The following SLC26A1 variants were observed in gnomAD, a reference collection of about 807,000 sequenced individuals.
The protein encoded by SLC26A1 is sulfate anion transporter 1.
Under a neutral mutation model 14.5 loss-of-function variants are expected in SLC26A1, and 18 were observed. That is an observed-to-expected ratio of 1.24 (90% CI 0.86 to 1.84). The LOEUF is 1.84. Among genes scored for constraint, SLC26A1 ranks in the 40% most tolerant of loss-of-function variants. SLC26A1 has a pLI of 0.00. For synonymous variants in SLC26A1, 505 were observed against 492.0 expected (o/e 1.03, Z -0.35); for missense variants, 1,049 against 1,020.0 (o/e 1.03, Z -0.39).
chr4:983,874 G>A (rs1490965591), downstream of SLC26A1, among the ~76,000 whole-genome samples: 4 of 152,182 alleles, frequency 2.6e-5, no homozygotes, highest in Admixed American at 2.0e-4. Flanking sequence ...GCCCAGGCTG[G>A]AGTGCAGTGA....
At position 989,845 on chromosome 4, in the gene SLC26A1, C is replaced by T. The variant is rs530856250; in HGVS notation, c.1094G>A (p.Arg365His). ...GGCACGCACAGAGTAGCCGTGACTG[C>T]GGGCGAACATCTCCGCCAGCGAGAT... Reference protein sequence around the residue: ...FSISLAEMFARSHGYSVRANQ... With the variant: ...FSISLAEMFAHSHGYSVRANQ... The change falls in exon 3 of 3, where the codon CGC (arginine) becomes CAC (histidine). Residue 365 changes from arginine to histidine, a missense_variant. Transcript: ENST00000398516. The T allele has an allele frequency of 4.1e-5, 64 of 1,578,236 alleles. No individual in the cohort carries two copies. Among genetic ancestry groups the T allele is most frequent in the African/African-American group, 1.6e-4 (12 of 74,488 alleles).
At chr4:982,174 GACAGAGGCTGTC>G (rs1405638669) in intron 2 of SLC26A1, among the ~76,000 whole-genome samples, 3 of 152,184 alleles carry the variant, frequency 2.0e-5, no homozygotes, top group African/African-American at 7.2e-5. Context: ...GCTCTCCTGG[GACAGAGGCTGTC>G]ACAGACCCTG....
chr4:989,573 T>C lies in SLC26A1; in HGVS notation c.1366A>G (p.Lys456Glu), dbSNP rs1432069203. Reference protein sequence around the residue: ...IVVSLRGALRKVWDLPRLWRM... With the variant: ...IVVSLRGALREVWDLPRLWRM... Reference sequence around the variant, plus strand: ...CACAGCCGCGGGAGGTCCCACACCTTGCGCAGGGCCCCCCGCAGGCTGACC... The same window carrying C: ...CACAGCCGCGGGAGGTCCCACACCTCGCGCAGGGCCCCCCGCAGGCTGACC... The change falls in exon 3 of 3, where the codon AAG (lysine) becomes GAG (glutamate). Residue 456 changes from lysine (K) to glutamate (E), a missense_variant. Physicochemically the swap from Lys to Glu is moderately conservative, Grantham distance 56. Coordinates refer to ENST00000398516, the MANE Select transcript of SLC26A1 (RefSeq NM_022042.4). 2 of 1,593,424 alleles carry C rather than the reference T, an allele frequency of 1.3e-6. No homozygotes were observed. The highest frequency in any genetic ancestry group is 2.3e-5 in the South Asian group (2 of 88,018).
At chr4:979,275 G>C in exon 3 of SLC26A1, 1 of 639,446 alleles carries the variant, frequency 1.6e-6, no homozygotes. Context: ...GCCAGGTTGA[G>C]GGGCTGCCTT....
chr4:982,995 TCGCCATGTGAGG>T (rs1429598538), downstream of SLC26A1, among the ~76,000 whole-genome samples: 8 of 152,334 alleles, frequency 5.3e-5, no homozygotes, highest in East Asian at 1.5e-3. Context: ...CTGCAGGCGC[TCGCCATGTGAGG>T]CGACAGGCGC....
At position 989,646 on chromosome 4, in the gene SLC26A1, T is replaced by TGCCAGC; in HGVS notation, c.1287_1292dup (p.Leu430_Ala431dup). On this transcript the variant is annotated inframe_insertion, in exon 3 of 3. Coordinates refer to ENST00000398516, the MANE Select transcript of SLC26A1 (RefSeq NM_022042.4). Reference sequence around the variant, plus strand: ...TTCGCTGTAGGTCGTGGAACAGCGGTGCCAGCGCCAGCAGCACCAGCAGCA... The same window carrying TGCCAGC: ...TTCGCTGTAGGTCGTGGAACAGCGGTGCCAGCGCCAGCGCCAGCAGCACCAGCAGCA... 6.3e-7 allele frequency: 1 copy of TGCCAGC among 1,592,862 alleles called. No individual in the cohort carries two copies. Among genetic ancestry groups the TGCCAGC allele is most frequent in the South Asian group, 1.1e-5 (1 of 88,028 alleles).
downstream of SLC26A1, among the ~76,000 whole-genome samples, chr4:986,404 C>T (rs1344300602): frequency 6.6e-6 from 1 of 152,200 alleles, no homozygotes; most frequent in Non-Finnish European, 1.5e-5. Context: ...TTGCACATTA[C>T]CTACGCACAT....
At chr4:987,561 G>A (rs1713832299), downstream of SLC26A1, 13 of 1,277,714 alleles carry the variant, frequency 1.0e-5, no homozygotes, top group African/African-American at 1.5e-5. Context: ...CTAGAGCTGA[G>A]GTACCCGCCT....
At chr4:984,818 CAAAAACAAAAAAA>C (rs1176496638), downstream of SLC26A1, among the ~76,000 whole-genome samples, 3 of 152,004 alleles carry the variant, frequency 2.0e-5, no homozygotes, top group Non-Finnish European at 4.4e-5. Flanking sequence ...AAACAAAAAA[CAAAAACAAAAAAA>C]ATTCTGGAGT....
Position 989,196 on chromosome 4 carries a change from C to T in SLC26A1, c.1743G>A (p.Gly581=), listed in dbSNP as rs771825743. The T allele has an allele frequency of 6.2e-7, 1 of 1,607,708 alleles. No homozygotes were observed. The highest frequency in any genetic ancestry group is 8.5e-7 in the Non-Finnish European group (1 of 1,176,452). The part of the protein sequence containing the change: ...ARRKEGGSET[G]VGEGGPAQGE... ...CCTGGGCAGGGCCTCCCTCACCGAC[C>T]CCCGTCTCTGAGCCCCCCTCCTTCC... Residue 581 remains glycine (G), a synonymous_variant, in exon 3 of 3, where the codon GGG becomes GGA. Transcript: ENST00000398516.
chr4:991,836 AGGGCC>A, intron 1 of SLC26A1, 106 bp from the exon 2 acceptor site: 1 of 1,530,538 alleles, frequency 6.5e-7, no homozygotes. Flanking sequence ...TCGCCCACCC[AGGGCC>A]GGGGATTGGT....
intron 2 of SLC26A1, among the ~76,000 whole-genome samples, chr4:982,108 C>T (rs1434583434): frequency 1.3e-5 from 2 of 151,462 alleles, no homozygotes; most frequent in Non-Finnish European, 2.9e-5. Context: ...CATGAGCCAG[C>T]GCGCCTGGCC....
In SLC26A1 at chr4:989,884, G is replaced by C. The variant is rs2153016960; in HGVS notation, c.1055C>G (p.Ala352Gly). ...ALDAVALALV[A>G]AAFSISLAEM... is the part of the protein sequence containing the mutation. ...CGCCAGCGAGATGGAGAAGGCGGCA[G>C]CCACGAGGGCCAGGGCCACGGCATC... Residue 352 changes from alanine to glycine, a missense_variant, in exon 3 of 3, where the codon GCT becomes GGT. Transcript: ENST00000398516. 1.3e-6 allele frequency: 2 copies of C among 1,569,816 alleles called. No homozygotes were observed. The highest frequency in any genetic ancestry group is 1.7e-6 in the Non-Finnish European group (2 of 1,158,404).
Position 988,340 on chromosome 4 carries a change from G to A in SLC26A1, c.*493C>T, listed in dbSNP as rs557939453. 4 of 1,090,008 alleles carry A rather than the reference G, an allele frequency of 3.7e-6. No homozygotes were observed. The African/African-American group carries it at 6.6e-5, about 18-fold the overall frequency. 67.5% of individuals were successfully genotyped at this position (1,090,008 alleles called of 1,614,324 possible). A position where few individuals can be genotyped will look rare whatever the true frequency, so the allele number is the denominator to read the frequency against. On this transcript the variant is annotated 3_prime_UTR_variant, in exon 3 of 3. Coordinates refer to ENST00000398516, the MANE Select transcript of SLC26A1 (RefSeq NM_022042.4). ...GGTGCAGGTGGCCACCCTGTGAGGG[G>A]GAGGCACGAGGTGTGAGGGGCACTT... is the stretch of plus-strand genomic sequence containing the variant.
Position 989,197 on chromosome 4 carries a change from C to T in SLC26A1, c.1742G>A (p.Gly581Glu). The T allele has an allele frequency of 2.5e-6, 4 of 1,607,848 alleles. No homozygotes were observed. The highest frequency in any genetic ancestry group is 3.4e-6 in the Non-Finnish European group (4 of 1,176,550). ...CTGGGCAGGGCCTCCCTCACCGACC[C>T]CCGTCTCTGAGCCCCCCTCCTTCCT... ...ARRKEGGSET[G>E]VGEGGPAQGE... Residue 581 changes from glycine (G) to glutamate (E), a missense_variant, in exon 3 of 3, where the codon GGG becomes GAG. Transcript: ENST00000398516.
downstream of SLC26A1, chr4:987,115 C>A (rs1423609884): frequency 3.5e-6 from 5 of 1,444,566 alleles, no homozygotes; most frequent in Non-Finnish European, 4.5e-6. Flanking sequence ...CGCCGCGCTG[C>A]TGGCGCTCCT....
At chr4:982,528 T>G (rs940644769) in intron 2 of SLC26A1, among the ~76,000 whole-genome samples, 2 of 152,218 alleles carry the variant, frequency 1.3e-5, no homozygotes, top group African/African-American at 2.4e-5. Flanking sequence ...GCTCCACCCC[T>G]GCCCGGACGC....
At chr4:987,646 A>G, downstream of SLC26A1, 4 of 1,453,386 alleles carry the variant, frequency 2.8e-6, no homozygotes, top group Non-Finnish European at 3.6e-6. Flanking sequence ...TGAAGATGGG[A>G]CCTCCCCACA....
At chr4:992,546 G>A (rs1188753107) in intron 1 of SLC26A1, among the ~76,000 whole-genome samples, 2 of 152,226 alleles carry the variant, frequency 1.3e-5, no homozygotes, top group Non-Finnish European at 2.9e-5. Flanking sequence ...GGAGGAGGGT[G>A]ACTGGCGTCT....
Sources: gnomAD v4.1 joint callset for allele counts (sites outside exome capture counted in the v4.1 genomes callset) on GRCh38, gnomAD v4.1.1 for gene constraint, MANE v1.5 for transcripts, NCBI Gene and HGNC (gene_info 2026-07-23, HGNC 2026-07-21) for gene names.